The following RHBG variants were observed in gnomAD, a reference collection of about 807,000 sequenced individuals.
RHBG encodes the protein Rh family B glycoprotein.
RHBG carries 39 observed loss-of-function variants against 40.1 expected under a neutral mutation model. The ratio of observed to expected loss-of-function variants is 0.97; its 90% confidence interval spans 0.75 to 1.27. The LOEUF (loss-of-function observed/expected upper bound fraction) is 1.27. Ranked by LOEUF, RHBG falls within the 50% of genes most tolerant of loss-of-function variation. RHBG has a pLI of 0.00. For missense variants in RHBG, 549 were observed against 588.1 expected (o/e 0.93, Z 0.69); for synonymous variants, 237 against 252.5 (o/e 0.94, Z 0.58).
intron 1 of RHBG, 120 bp downstream of exon 1, chr1:156,369,556 G>A: frequency 1.8e-6 from 2 of 1,092,730 alleles, no homozygotes; most frequent in Admixed American, 5.6e-5. Context: ...CTCGCTCTGA[G>A]GTGGAGGGGC....
chr1:156,369,958 AGACC>A (rs1666728115), intron 1 of RHBG, among the ~76,000 whole-genome samples: 1 of 152,130 alleles, frequency 6.6e-6, no homozygotes, highest in Non-Finnish European at 1.5e-5. Flanking sequence ...TAGGCAGCCA[AGACC>A]AGTTGGGATC....
rs1557799451 is a variant in RHBG, at chr1:156,377,165, C to G, written c.188-136C>G. 5.2e-6 allele frequency: 5 copies of G among 970,052 alleles called. No homozygotes were observed. The highest frequency in any genetic ancestry group is 7.8e-6 in the Non-Finnish European group (5 of 638,636). 60.1% of individuals were successfully genotyped at this position (970,052 alleles called of 1,614,324 possible). ...CTCAGGGCTGGGAGCCCCTGACATG[C>G]CTGGGGAGTTTTATAGGCTCGGCTC... On this transcript the variant is annotated intron_variant, in intron 1 of 9. Transcript: ENST00000537040. The surrounding 1 kb of genome is among the most constrained non-coding windows in gnomAD (Gnocchi z 4.6).
intron 3 of RHBG, 44 bp downstream of exon 3, chr1:156,378,184 A>C: frequency 7.8e-6 from 12 of 1,537,758 alleles, no homozygotes; most frequent in Non-Finnish European, 1.1e-5. Flanking sequence ...GGGGGTGGTC[A>C]AGGTCAGCCT....
At chr1:156,372,975 G>C (rs1052853926) in intron 1 of RHBG, among the ~76,000 whole-genome samples, 3 of 152,156 alleles carry the variant, frequency 2.0e-5, no homozygotes, top group African/African-American at 7.2e-5. Flanking sequence ...AATTTAAATC[G>C]AGCTCTGCTA....
rs2101782643 is a variant in RHBG at position 156,378,063 on chromosome 1, A to G, written c.448A>G (p.Thr150Ala). ...TGCCGTCCTGGGCAAGACCGGGCCT[A>G]CCCAGCTGCTGCTCATGGCCCTGCT... ...FGAVLGKTGPTQLLLMALLEV... is the reference protein window; with the variant it reads ...FGAVLGKTGPAQLLLMALLEV... Residue 150 changes from threonine to alanine, a missense_variant, in exon 3 of 10, where the codon ACC becomes GCC. Physicochemically the swap from Thr to Ala is moderately conservative, Grantham distance 58. Transcript: ENST00000537040. 1 of 1,605,944 alleles carries G rather than the reference A, an allele frequency of 6.2e-7. No homozygotes were observed. Among genetic ancestry groups the G allele is most frequent in the Non-Finnish European group, 8.5e-7 (1 of 1,175,818 alleles).
rs762911469 is a variant in RHBG, at chr1:156,381,407, C to T, written c.734C>T (p.Ala245Val). Residue 245 changes from alanine to valine, a missense_variant, in exon 5 of 10, where the codon GCT (alanine) becomes GTT (valine). Physicochemically the swap from Ala to Val is moderately conservative, Grantham distance 64 (BLOSUM62 0). Around this residue, in one of 3 missense-constraint regions of RHBG, gnomAD observed 399 missense variants for 417.0 expected, o/e 0.96. Coordinates refer to ENST00000537040, the MANE Select transcript of RHBG (RefSeq NM_020407.5). ...AATGCTGCACTCACAGCGCTGGGGG[C>T]TGGGCAGCATCGGACGGCCCTCAAC... ...SFNAALTALG[A>V]GQHRTALNTY... 1 of 1,614,134 alleles carries T rather than the reference C, an allele frequency of 6.2e-7. No homozygotes were observed. The highest frequency in any genetic ancestry group is 1.1e-5 in the South Asian group (1 of 91,084).
At chr1:156,374,473 T>TC (rs1667052793) in intron 1 of RHBG, 1 of 303,978 alleles carries the variant, frequency 3.3e-6, no homozygotes, top group African/African-American at 2.3e-5. Flanking sequence ...GAGCAACTTT[T>TC]TTTTAGCTTC....
chr1:156,372,037 C>T (rs1203605086), intron 1 of RHBG, among the ~76,000 whole-genome samples: 2 of 152,198 alleles, frequency 1.3e-5, no homozygotes, highest in African/African-American at 4.8e-5. Context: ...GGGTCCTCAC[C>T]TGTCCTTGTG....
At position 156,378,072 on chromosome 1, in the gene RHBG, C is replaced by T. The variant is rs1375388475; in HGVS notation, c.457C>T (p.Leu153=). 1.2e-6 allele frequency: 2 copies of T among 1,609,448 alleles called. No homozygotes were observed. Among genetic ancestry groups the T allele is most frequent in the East Asian group, 2.2e-5 (1 of 44,828 alleles). ...GGGCAAGACCGGGCCTACCCAGCTG[C>T]TGCTCATGGCCCTGCTGGAGGTGGT... The part of the protein sequence containing the change: ...VLGKTGPTQL[L]LMALLEVVLF... The change falls in exon 3 of 10, where the codon CTG becomes TTG. Residue 153 remains leucine (L), a synonymous_variant. Coordinates refer to ENST00000537040, the MANE Select transcript of RHBG (RefSeq NM_020407.5).
rs534458476 is a variant in RHBG, at chr1:156,371,194, C to G, written c.187+1758C>G. ...TTTTTTTTTTTAGAAGAGTCTCACTCTGTTGCCCAGGCTGGAGTGCAACGG... is the reference window on the plus strand; with the variant it reads ...TTTTTTTTTTTAGAAGAGTCTCACTGTGTTGCCCAGGCTGGAGTGCAACGG... On this transcript the variant is annotated intron_variant, in intron 1 of 9. Coordinates refer to ENST00000537040, the MANE Select transcript of RHBG (RefSeq NM_020407.5). 123 of 411,944 alleles carry G rather than the reference C, an allele frequency of 3.0e-4. 1 individual carries two copies. The highest frequency in any genetic ancestry group is 2.1e-3 in the South Asian group (121 of 57,336). The allele number at this position is 411,944 out of a possible 1,614,324, so 25.5% of individuals were successfully genotyped here.
rs542723285 is a variant in RHBG, at chr1:156,384,810, C to A, written c.1342C>A (p.Pro448Thr). The A allele has an allele frequency of 6.2e-7, 1 of 1,613,958 alleles. No homozygotes were observed. The highest frequency in any genetic ancestry group is 1.3e-5 in the African/African-American group (1 of 75,048). Residue 448 changes from proline (P) to threonine (T), a missense_variant, in exon 10 of 10, where the codon CCT becomes ACT. Pro to Thr is a conservative substitution (Grantham distance 38, BLOSUM62 -1). Coordinates refer to ENST00000537040, the MANE Select transcript of RHBG (RefSeq NM_020407.5). ...PGEHEDKAQRPLRVEEADTQA is the reference protein window; with the variant it reads ...PGEHEDKAQRTLRVEEADTQA ...CGAGCATGAGGATAAAGCCCAGAGA[C>A]CTCTGAGGGTGGAGGAGGCAGACAC...
intron 1 of RHBG, among the ~76,000 whole-genome samples, chr1:156,375,454 CA>C (rs34882949): frequency 0.48 from 63,056 of 130,236 alleles, 13,791 homozygotes; most frequent in Non-Finnish European, 0.53. Flanking sequence ...GCATATGGCA[CA>C]AAAAAAAAAA....
chr1:156,369,968 G>A (rs1471230733), intron 1 of RHBG, among the ~76,000 whole-genome samples: 1 of 152,056 alleles, frequency 6.6e-6, no homozygotes, highest in East Asian at 1.9e-4. Context: ...AGACCAGTTG[G>A]GATCAGGCAT....
chr1:156,374,014 A>G (rs1667020253), intron 1 of RHBG, among the ~76,000 whole-genome samples: 1 of 152,078 alleles, frequency 6.6e-6, no homozygotes, highest in Non-Finnish European at 1.5e-5. Context: ...TGTTAACTAT[A>G]GTCACTCTAC....
At chr1:156,384,453 T>C (rs1438924093) in intron 8 of RHBG, 74 bp from the exon 9 acceptor site, 2 of 1,348,840 alleles carry the variant, frequency 1.5e-6, no homozygotes, top group East Asian at 2.3e-5. Flanking sequence ...CCCTGTGCCC[T>C]GTGGCACTGG....
At chr1:156,381,575 G>C in intron 5 of RHBG, 62 bp downstream of exon 5, 2 of 1,526,956 alleles carry the variant, frequency 1.3e-6, no homozygotes, top group Non-Finnish European at 8.8e-7. Flanking sequence ...GGAGAGGTCT[G>C]AGACCCTCAA....
intron 1 of RHBG, among the ~76,000 whole-genome samples, chr1:156,372,898 TCTC>T (rs1666944396): frequency 6.6e-6 from 1 of 151,974 alleles, no homozygotes; most frequent in South Asian, 2.1e-4. Context: ...CTCAAGCAAT[TCTC>T]CTGCCTCAGC....
chr1:156,382,600 T>G (rs1571018845), intron 7 of RHBG, 148 bp from the exon 8 acceptor site: 2 of 961,634 alleles, frequency 2.1e-6, no homozygotes, highest in Non-Finnish European at 1.6e-6. Flanking sequence ...GGCCTGGAGG[T>G]GAGACTCAGC....
Position 156,382,131 on chromosome 1 carries a change from C to G in RHBG, c.1042C>G (p.Pro348Ala), listed in dbSNP as rs1393462928. 8 of 1,614,026 alleles carry G rather than the reference C, an allele frequency of 5.0e-6. No individual in the cohort carries two copies. The Middle Eastern group carries it at 8.2e-4, about 166-fold the overall frequency. ...TGGAGTCCACAACCTCCATGGGATGCCGGGGGTCCTGGGGGCCCTCCTGGG... is the reference window on the plus strand; with the variant it reads ...TGGAGTCCACAACCTCCATGGGATGGCGGGGGTCCTGGGGGCCCTCCTGGG... The part of the protein sequence containing the change: ...TCGVHNLHGM[P>A]GVLGALLGVL... The change falls in exon 7 of 10, where the codon CCG becomes GCG. Residue 348 changes from proline to alanine, a missense_variant. Transcript: ENST00000537040.
Sources: allele counts gnomAD v4.1 joint callset (sites outside exome capture counted in the v4.1 genomes callset), GRCh38; gene constraint gnomAD v4.1.1; regional missense constraint gnomAD v4.1.1; non-coding constraint Gnocchi (gnomAD v3.1); transcripts MANE v1.5; gene names NCBI Gene and HGNC (gene_info 2026-07-23, HGNC 2026-07-21).